GRID1: variants seen among roughly 807,000 people sequenced by gnomAD.
The protein encoded by GRID1 is glutamate receptor ionotropic, delta-1.
A neutral mutation model predicts 98.0 loss-of-function variants in GRID1; 28 were observed. The observed-to-expected ratio is 0.29, with a 90% CI of 0.21 to 0.39. The LOEUF (loss-of-function observed/expected upper bound fraction) is 0.39, where lower values mean the gene tolerates loss of function less well. Among genes scored for constraint, GRID1 ranks in the 10% least tolerant of loss-of-function variants. The pLI is 1.00. For missense variants in GRID1, 1,111 were observed against 1,340.5 expected, an observed-to-expected ratio of 0.83 and a Z score of 2.67; for synonymous variants, 553 against 538.5, an observed-to-expected ratio of 1.03 and a Z score of -0.37.
chr10:85,602,136 A>G lies in GRID1; in HGVS notation c.*137T>C, dbSNP rs1842583969. ...CTCCATTCTGTCATTATTTACACAT[A>G]TGTACAAGAAAAATGAAAGAGTCTC... On this transcript the variant is annotated 3_prime_UTR_variant, in exon 16 of 16. Transcript: ENST00000327946. 1 of 549,592 alleles carries G rather than the reference A, an allele frequency of 1.8e-6. No individual in the cohort carries two copies. The allele number at this position is 549,592 out of a possible 1,614,324, so 34.0% of individuals were successfully genotyped here. A position where few individuals can be genotyped will look rare whatever the true frequency, so the allele number is the denominator to read the frequency against.
Position 86,206,485 on chromosome 10 carries a change from G to A in GRID1, c.399C>T (p.Ser133=). The A allele has an allele frequency of 2.5e-6, 4 of 1,614,244 alleles. No homozygotes were observed. The highest frequency in any genetic ancestry group is 3.4e-6 in the Non-Finnish European group (4 of 1,180,044). The change falls in exon 3 of 16, where the codon AGC becomes AGT. Residue 133 remains serine (S), a synonymous_variant. Transcript: ENST00000327946. This position sits in a 1 kb window ranked among gnomAD's most constrained non-coding sequence, Gnocchi z 4.1. Reference sequence around the variant, plus strand: ...CCAGTGTGTAGGCCTCACCATCGGGGCTGGGGTTCAGGTGGCATGCGGTGC... The same window carrying A: ...CCAGTGTGTAGGCCTCACCATCGGGACTGGGGTTCAGGTGGCATGCGGTGC... ...SPRTACHLNP[S]PDGEAYTLAS... is the part of the protein sequence containing the mutation.
chr10:86,041,829 T>G (rs1053791307), intron 4 of GRID1, among the ~76,000 whole-genome samples: 2 of 152,140 alleles, frequency 1.3e-5, no homozygotes, highest in Non-Finnish European at 2.9e-5. Flanking sequence ...AGCTGCCTGC[T>G]GGAGCCCTGA....
intron 5 of GRID1, among the ~76,000 whole-genome samples, chr10:85,885,646 T>C (rs558973014): frequency 6.6e-5 from 10 of 152,320 alleles, no homozygotes; most frequent in Non-Finnish European, 5.9e-5. Context: ...TTCAGGCCTC[T>C]GATGTAATAA....
intron 5 of GRID1, among the ~76,000 whole-genome samples, chr10:85,915,629 C>T (rs549476773): frequency 1.2e-4 from 18 of 151,926 alleles, no homozygotes; most frequent in Non-Finnish European, 5.9e-5. Context: ...CACGAACATG[C>T]ATGTTCACAC....
intron 3 of GRID1, among the ~76,000 whole-genome samples, chr10:86,179,175 A>G (rs1845619023): frequency 6.6e-6 from 1 of 150,562 alleles, no homozygotes; most frequent in Admixed American, 6.6e-5. Flanking sequence ...TGGGGCCCAC[A>G]GCACACACAT....
At chr10:85,980,399 C>T (rs1842530157) in intron 4 of GRID1, among the ~76,000 whole-genome samples, 1 of 152,190 alleles carries the variant, frequency 6.6e-6, no homozygotes, top group African/African-American at 2.4e-5. Context: ...TACAAGGAAA[C>T]TTATGTTTCC....
At chr10:86,150,617 G>T (rs1845151687) in intron 3 of GRID1, among the ~76,000 whole-genome samples, 1 of 152,152 alleles carries the variant, frequency 6.6e-6, no homozygotes, top group African/African-American at 2.4e-5. Context: ...ACCAATGATG[G>T]CGTAATCGTA....
chr10:86,019,019 T>G (rs560551054), intron 4 of GRID1, among the ~76,000 whole-genome samples: 3 of 152,312 alleles, frequency 2.0e-5, no homozygotes, highest in African/African-American at 7.2e-5. Context: ...CACCTAACAC[T>G]GGATTCTGGA....
At chr10:85,828,526 A>G (rs532649004) in intron 8 of GRID1, among the ~76,000 whole-genome samples, 1 of 152,266 alleles carries the variant, frequency 6.6e-6, no homozygotes, top group Admixed American at 6.5e-5. Flanking sequence ...CAAAGAATAA[A>G]TAAGATTGAT....
chr10:86,137,870 G>A (rs112045305), intron 4 of GRID1, among the ~76,000 whole-genome samples: 4,406 of 152,266 alleles, frequency 0.029, 81 homozygotes, highest in Middle Eastern at 0.088. Context: ...GTAGCATTCT[G>A]AGTAATAATT....
At chr10:86,319,916 C>T (rs752047749) in intron 2 of GRID1, among the ~76,000 whole-genome samples, 2 of 152,216 alleles carry the variant, frequency 1.3e-5, no homozygotes, top group Non-Finnish European at 1.5e-5. Flanking sequence ...CTAGCTCCCT[C>T]GGTGACAGCA....
chr10:86,213,284 G>A (rs1180825626), intron 2 of GRID1, among the ~76,000 whole-genome samples: 2 of 151,990 alleles, frequency 1.3e-5, no homozygotes, highest in Admixed American at 6.6e-5. Context: ...AGAGTACCAC[G>A]CACCTGGCAA....
chr10:85,965,695 T>C (rs570805027), intron 4 of GRID1, among the ~76,000 whole-genome samples: 3 of 152,070 alleles, frequency 2.0e-5, no homozygotes, highest in African/African-American at 7.2e-5. Context: ...AGATGATGGG[T>C]TGATGGGTGC....
chr10:85,789,755 C>G (rs1335459973), intron 8 of GRID1, among the ~76,000 whole-genome samples: 4 of 152,162 alleles, frequency 2.6e-5, no homozygotes, highest in Admixed American at 2.6e-4. Context: ...AGGGGCCTCA[C>G]AGTCAGGGTA....
intron 5 of GRID1, among the ~76,000 whole-genome samples, chr10:85,892,812 A>G (rs1841224651): frequency 6.6e-6 from 1 of 152,026 alleles, no homozygotes; most frequent in African/African-American, 2.4e-5. Flanking sequence ...TTACACAAAC[A>G]CTTTCAGAAA....
At chr10:85,830,262 A>G (rs540866034) in intron 8 of GRID1, among the ~76,000 whole-genome samples, 127 of 152,312 alleles carry the variant, frequency 8.3e-4, no homozygotes, top group Non-Finnish European at 1.7e-3. Flanking sequence ...TCATAGGCAG[A>G]AGACTGAAAC....
intron 4 of GRID1, among the ~76,000 whole-genome samples, chr10:85,949,595 G>A (rs1210066426): frequency 6.6e-6 from 1 of 152,056 alleles, no homozygotes; most frequent in Non-Finnish European, 1.5e-5. Context: ...CTGCCACATT[G>A]TTTGTGCTCT....
At chr10:86,308,713 G>T (rs1170038872) in intron 2 of GRID1, among the ~76,000 whole-genome samples, 1 of 152,186 alleles carries the variant, frequency 6.6e-6, no homozygotes, top group Non-Finnish European at 1.5e-5. Context: ...TCTGGAGGCT[G>T]GGAAGTCCAA....
At chr10:85,870,773 C>T (rs1393532633) in intron 5 of GRID1, among the ~76,000 whole-genome samples, 1 of 152,078 alleles carries the variant, frequency 6.6e-6, no homozygotes, top group Non-Finnish European at 1.5e-5. Flanking sequence ...GCAGGGAATG[C>T]TTGTGGGGCA....
Sources: gnomAD v4.1 joint callset for allele counts (sites outside exome capture counted in the v4.1 genomes callset) on GRCh38, gnomAD v4.1.1 for gene constraint, Gnocchi (gnomAD v3.1) non-coding constraint, MANE v1.5 for transcripts, NCBI Gene and HGNC (gene_info 2026-07-23, HGNC 2026-07-21) for gene names.